The following KIRREL3 variants were observed in gnomAD, a reference collection of about 807,000 sequenced individuals.
KIRREL3 encodes kirre like nephrin family adhesion molecule 3.
In KIRREL3, 36 loss-of-function variants were observed where a neutral mutation model predicts 89.7. That is an observed-to-expected ratio of 0.40 (90% confidence interval 0.31 to 0.53). KIRREL3 has a LOEUF of 0.53. Among genes scored for constraint, KIRREL3 ranks in the 20% least tolerant of loss-of-function variants. The probability of loss-of-function intolerance (pLI) is 0.49; values close to 1 mark genes in which losing one functional copy is unlikely to be tolerated. For missense variants in KIRREL3, 864 were observed against 1,056.6 expected (o/e 0.82, Z 2.53); for synonymous variants, 445 against 441.4 (o/e 1.01, Z -0.10).
rs1025234388 is a variant in KIRREL3, at chr11:126,996,907, C to A, written c.55+3548G>T. Reference sequence around the variant, plus strand: ...GAATCACAAGGCAGGACAGGACGCTCTAGGAATGCCAGAGCAAAATGCCAG... The same window carrying A: ...GAATCACAAGGCAGGACAGGACGCTATAGGAATGCCAGAGCAAAATGCCAG... On this transcript the variant is annotated intron_variant, in intron 1 of 16. Transcript: ENST00000525144. The surrounding 1 kb of genome is among the most constrained non-coding windows in gnomAD (Gnocchi z 4.7). Among the ~76,000 whole-genome samples, 1 of 152,160 alleles carries A rather than the reference C, an allele frequency of 6.6e-6. No individual in the cohort carries two copies. The highest frequency in any genetic ancestry group is 1.5e-5 in the Non-Finnish European group (1 of 68,010).
chr11:126,679,893 T>C lies in KIRREL3; in HGVS notation c.56-116981A>G, dbSNP rs895762654. ...AGGGAAAAGGTCCCAGAGAGAGAAT[T>C]TGAGTTAAAAGACCACCAGTCCGAG... On this transcript the variant is annotated intron_variant, in intron 1 of 16. Transcript: ENST00000525144. 7.9e-5 allele frequency among the ~76,000 whole-genome samples: 12 copies of C among 152,072 alleles called. No homozygotes were observed. The South Asian group carries it at 8.3e-4, about 11-fold the overall frequency.
At position 126,981,875 on chromosome 11, in the gene KIRREL3, C is replaced by T. The variant is rs145039048; in HGVS notation, c.55+18580G>A. ...CACACTCCCTTGCTTGGGGGCTCTGCTGGGATGACAGCCTTTAAACACCTC... is the reference window on the plus strand; with the variant it reads ...CACACTCCCTTGCTTGGGGGCTCTGTTGGGATGACAGCCTTTAAACACCTC... On this transcript the variant is annotated intron_variant, in intron 1 of 16. Coordinates refer to ENST00000525144, the MANE Select transcript of KIRREL3 (RefSeq NM_032531.4). This position sits in a 1 kb window ranked among gnomAD's most constrained non-coding sequence, Gnocchi z 4.2. 1.3e-4 allele frequency among the ~76,000 whole-genome samples: 20 copies of T among 152,346 alleles called. No homozygotes were observed. Among genetic ancestry groups the T allele is most frequent in the African/African-American group, 4.6e-4 (19 of 41,582 alleles).
Position 126,696,540 on chromosome 11 carries a change from C to A in KIRREL3, c.56-133628G>T, listed in dbSNP as rs1373450904. 6.6e-6 allele frequency among the ~76,000 whole-genome samples: 1 copy of A among 152,220 alleles called. No homozygotes were observed. The highest frequency in any genetic ancestry group is 2.4e-5 in the African/African-American group (1 of 41,458). ...CATCTGGCCCCACCGTCCAACCCAC[C>A]TTTCAGCCTCCAGGCAGGTCCTCAC... On this transcript the variant is annotated intron_variant, in intron 1 of 16. Coordinates refer to ENST00000525144, the MANE Select transcript of KIRREL3 (RefSeq NM_032531.4). The surrounding 1 kb of genome is among the most constrained non-coding windows in gnomAD (Gnocchi z 4.4).
rs186989179 is a variant in KIRREL3, at chr11:126,791,379, G to A, written c.55+209076C>T. 2.4e-4 allele frequency among the ~76,000 whole-genome samples: 36 copies of A among 152,326 alleles called. No individual in the cohort carries two copies. The East Asian group carries it at 3.7e-3, about 15-fold the overall frequency. On this transcript the variant is annotated intron_variant, in intron 1 of 16. Transcript: ENST00000525144. The surrounding 1 kb of genome is among the most constrained non-coding windows in gnomAD (Gnocchi z 4.8). ...CTGGGCTGCATGCAGCCAGCTACCC[G>A]CTTCCCAGGCTTCTGCTCACGGGAG...
chr11:126,881,226 C>T lies in KIRREL3; in HGVS notation c.55+119229G>A, dbSNP rs956135705. ...TGGAATGAAACCAAGTGGCATAAATCGGCTGAACTTTGCATGCGACTCCCC... is the reference window on the plus strand; with the variant it reads ...TGGAATGAAACCAAGTGGCATAAATTGGCTGAACTTTGCATGCGACTCCCC... On this transcript the variant is annotated intron_variant, in intron 1 of 16. Coordinates refer to ENST00000525144, the MANE Select transcript of KIRREL3 (RefSeq NM_032531.4). Among the ~76,000 whole-genome samples the T allele has an allele frequency of 7.2e-5, 11 of 152,152 alleles. 1 individual carries two copies. The highest frequency in any genetic ancestry group is 2.6e-4 in the Admixed American group (4 of 15,286).
intron 2 of KIRREL3, among the ~76,000 whole-genome samples, chr11:126,536,690 C>T (rs1031421979): frequency 2.5e-5 from 3 of 119,918 alleles, no homozygotes; most frequent in African/African-American, 9.9e-5. Flanking sequence ...GTCGCCCAGG[C>T]TAAAGTGCAG....
rs1364969825 is a variant in KIRREL3, at chr11:126,651,905, T to C, written c.56-88993A>G. 2.6e-5 allele frequency among the ~76,000 whole-genome samples: 4 copies of C among 152,220 alleles called. No homozygotes were observed. The East Asian group carries it at 7.7e-4, about 29-fold the overall frequency. On this transcript the variant is annotated intron_variant, in intron 1 of 16. Transcript: ENST00000525144. The surrounding 1 kb of genome is among the most constrained non-coding windows in gnomAD (Gnocchi z 4.6). ...CCATTTGGGGTGGTAATAACAGGTC[T>C]AATCATGACACCTCCATAAAGTCAT...
chr11:126,425,529 C>T, intron 16 of KIRREL3, 109 bp downstream of exon 16: 1 of 1,044,776 alleles, frequency 9.6e-7, no homozygotes, highest in South Asian at 1.5e-5. Flanking sequence ...GGCCTCTGAC[C>T]TTTTCTTCTC....
chr11:126,608,650 G>A lies in KIRREL3; in HGVS notation c.56-45738C>T, dbSNP rs1009448079. ...ACACAAAATCCTGTGGCTGCAGTAG[G>A]AGCCCCCTTCCCAGCCCTCCCTGGC... On this transcript the variant is annotated intron_variant, in intron 1 of 16. Transcript: ENST00000525144. This position sits in a 1 kb window ranked among gnomAD's most constrained non-coding sequence, Gnocchi z 4.9. 6.6e-5 allele frequency among the ~76,000 whole-genome samples: 10 copies of A among 152,214 alleles called. No individual in the cohort carries two copies. Among genetic ancestry groups the A allele is most frequent in the African/African-American group, 1.7e-4 (7 of 41,462 alleles).
rs1957450986 is a variant in KIRREL3, at chr11:126,489,402, G to A, written c.434-15936C>T. Among the ~76,000 whole-genome samples the A allele has an allele frequency of 6.6e-6, 1 of 152,172 alleles. No individual in the cohort carries two copies. The highest frequency in any genetic ancestry group is 1.5e-5 in the Non-Finnish European group (1 of 68,034). On this transcript the variant is annotated intron_variant, in intron 4 of 16. Coordinates refer to ENST00000525144, the MANE Select transcript of KIRREL3 (RefSeq NM_032531.4). The surrounding 1 kb of genome is among the most constrained non-coding windows in gnomAD (Gnocchi z 5.5). ...CCTGCATCAGGTGGGAGTTAGGTGG[G>A]GAAAACAAAGCTTCCAGAGGGGATA... is the stretch of plus-strand genomic sequence containing the variant.
chr11:126,557,376 T>G lies in KIRREL3; in HGVS notation c.133+5459A>C, dbSNP rs1431491044. On this transcript the variant is annotated intron_variant, in intron 2 of 16. Transcript: ENST00000525144. The surrounding 1 kb of genome is among the most constrained non-coding windows in gnomAD (Gnocchi z 5.6). ...CTTTGGTGACCAAGACATTTAAAAT[T>G]ATGGGATGGGCTGTGAGAACAGGGT... Among the ~76,000 whole-genome samples the G allele has an allele frequency of 6.6e-6, 1 of 152,192 alleles. No homozygotes were observed. Among genetic ancestry groups the G allele is most frequent in the African/African-American group, 2.4e-5 (1 of 41,450 alleles).
Position 126,685,870 on chromosome 11 carries a change from A to G in KIRREL3, c.56-122958T>C, listed in dbSNP as rs1056872063. On this transcript the variant is annotated intron_variant, in intron 1 of 16. Coordinates refer to ENST00000525144, the MANE Select transcript of KIRREL3 (RefSeq NM_032531.4). The surrounding 1 kb of genome is among the most constrained non-coding windows in gnomAD (Gnocchi z 5.5). ...ACCCACTGGATCGGGGCCACTGGAGACTTTTTCCCTCATGCTGGGCTCTTC... is the reference window on the plus strand; with the variant it reads ...ACCCACTGGATCGGGGCCACTGGAGGCTTTTTCCCTCATGCTGGGCTCTTC... Among the ~76,000 whole-genome samples the G allele has an allele frequency of 6.6e-6, 1 of 152,050 alleles. No individual in the cohort carries two copies. The highest frequency in any genetic ancestry group is 1.5e-5 in the Non-Finnish European group (1 of 68,004).
At position 126,610,610 on chromosome 11, in the gene KIRREL3, G is replaced by T. The variant is rs1160070665; in HGVS notation, c.56-47698C>A. The T allele has an allele frequency of 6.6e-6, 1 of 152,210 alleles. No individual in the cohort carries two copies. Among genetic ancestry groups the T allele is most frequent in the Non-Finnish European group, 1.5e-5 (1 of 68,048 alleles). The allele number at this position is 152,210 out of a possible 1,614,324, so 9.4% of individuals were successfully genotyped here. A position where few individuals can be genotyped will look rare whatever the true frequency, so the allele number is the denominator to read the frequency against. ...AGGCACTGGGGCTATAATCACATGG[G>T]GAGAAGGAGCCAACCGTGCATGTCT... is the stretch of plus-strand genomic sequence containing the variant. On this transcript the variant is annotated intron_variant, in intron 1 of 16. Transcript: ENST00000525144. This position sits in a 1 kb window ranked among gnomAD's most constrained non-coding sequence, Gnocchi z 4.6.
intron 1 of KIRREL3, among the ~76,000 whole-genome samples, chr11:126,836,664 A>T (rs1296494443): frequency 6.6e-6 from 1 of 152,174 alleles, no homozygotes; most frequent in Non-Finnish European, 1.5e-5. Context: ...AATGTTGAGA[A>T]TTTTTTCCTT....
At chr11:126,774,278 G>A (rs1489724157) in intron 1 of KIRREL3, among the ~76,000 whole-genome samples, 2 of 150,502 alleles carry the variant, frequency 1.3e-5, no homozygotes, top group Non-Finnish European at 2.9e-5. Context: ...GCCCTAGGAA[G>A]AAACCCCTCA....
intron 1 of KIRREL3, among the ~76,000 whole-genome samples, chr11:126,854,366 T>C (rs1565354083): frequency 6.6e-6 from 1 of 152,152 alleles, no homozygotes; most frequent in Non-Finnish European, 1.5e-5. Context: ...TCTGTACCCA[T>C]TAAATCCTAA....
chr11:126,451,357 TGA>T (rs1349111835), intron 7 of KIRREL3, among the ~76,000 whole-genome samples: 64 of 78,742 alleles, frequency 8.1e-4, no homozygotes, highest in African/African-American at 1.5e-3. Context: ...TGTGCGTATG[TGA>T]GTGTGACTAT....
chr11:126,597,205 G>A (rs1942438215), intron 1 of KIRREL3, among the ~76,000 whole-genome samples: 1 of 152,184 alleles, frequency 6.6e-6, no homozygotes, highest in South Asian at 2.1e-4. Context: ...GGCCCTCTCT[G>A]GTCAAGAGCA....
At position 126,981,487 on chromosome 11, in the gene KIRREL3, C is replaced by T. The variant is rs1256442275; in HGVS notation, c.55+18968G>A. On this transcript the variant is annotated intron_variant, in intron 1 of 16. Transcript: ENST00000525144. The surrounding 1 kb of genome is among the most constrained non-coding windows in gnomAD (Gnocchi z 4.2). ...AGGCAGAAGACAGTCCAGTACCTTC[C>T]TAAGTCACTAAGGAAGAGCTAAACA... Among the ~76,000 whole-genome samples, 1 of 152,152 alleles carries T rather than the reference C, an allele frequency of 6.6e-6. No individual in the cohort carries two copies.
Sources: allele counts gnomAD v4.1 joint callset (sites outside exome capture counted in the v4.1 genomes callset), GRCh38; gene constraint gnomAD v4.1.1; non-coding constraint Gnocchi (gnomAD v3.1); transcripts MANE v1.5; gene names NCBI Gene and HGNC (gene_info 2026-07-23, HGNC 2026-07-21).